Variants in HECW2 observed in about 807,000 individuals in gnomAD.
HECW2 encodes the protein E3 ubiquitin-protein ligase HECW2.
Under a neutral mutation model 175.2 loss-of-function variants are expected in HECW2, and 61 were observed. That is an observed-to-expected ratio of 0.35 (90% CI 0.28 to 0.43). The LOEUF is 0.43. HECW2 is among the 20% of genes least tolerant of loss of function. The pLI is 1.00. For synonymous variants in HECW2, 671 were observed against 731.0 expected, an observed-to-expected ratio of 0.92 and a Z score of 1.32; for missense variants, 1,524 against 2,000.5, an observed-to-expected ratio of 0.76 and a Z score of 4.54.
chr2:196,506,687 T>C (rs1417418947), intron 1 of HECW2, among the ~76,000 whole-genome samples: 1 of 151,866 alleles, frequency 6.6e-6, no homozygotes, highest in Non-Finnish European at 1.5e-5. Context: ...AATTTTTGGC[T>C]ACAAAGTAGC....
At chr2:196,245,491 A>C (rs7587683) in intron 19 of HECW2, among the ~76,000 whole-genome samples, 127,567 of 152,120 alleles carry the variant, frequency 0.84, 54,573 homozygotes, top group Non-Finnish European at 0.93. Context: ...GACAGCTAAC[A>C]AAATGCCCTA....
At position 196,538,914 on chromosome 2, in the gene HECW2, G is replaced by A. The variant is rs149419695; in HGVS notation, c.-36+54594C>T. Among the ~76,000 whole-genome samples, 89 of 152,172 alleles carry A rather than the reference G, an allele frequency of 5.8e-4. No individual in the cohort carries two copies. The East Asian group carries it at 9.1e-3, about 16-fold the overall frequency. ...ACCACAGCAGTTTCCTCGGAGCTCA[G>A]GTACTCTTTGAAAGTGGAAAAAATA... On this transcript the variant is annotated intron_variant, in intron 1 of 28. Transcript: ENST00000644978.
chr2:196,203,072 G>A (rs1343830404), intron 28 of HECW2, among the ~76,000 whole-genome samples: 1 of 151,956 alleles, frequency 6.6e-6, no homozygotes, highest in Non-Finnish European at 1.5e-5. Context: ...GCATCATGTT[G>A]GCACTCAAAA....
chr2:196,362,815 G>A (rs182912176), intron 2 of HECW2, among the ~76,000 whole-genome samples: 1 of 152,228 alleles, frequency 6.6e-6, no homozygotes, highest in African/African-American at 2.4e-5. Flanking sequence ...GAAGCTGTTA[G>A]CCCACCTGTG....
chr2:196,403,310 G>T (rs1694873148), intron 2 of HECW2, among the ~76,000 whole-genome samples: 1 of 152,290 alleles, frequency 6.6e-6, no homozygotes, highest in Non-Finnish European at 1.5e-5. Context: ...ACAGATACAT[G>T]TTCAGGAACA....
At chr2:196,305,918 A>C (rs911972593) in intron 13 of HECW2, among the ~76,000 whole-genome samples, 2 of 152,152 alleles carry the variant, frequency 1.3e-5, no homozygotes, top group Non-Finnish European at 2.9e-5. Flanking sequence ...TATCTTCAGT[A>C]AGCCACTCCC....
At chr2:196,207,043 C>T (rs886861480) in intron 28 of HECW2, among the ~76,000 whole-genome samples, 1 of 152,174 alleles carries the variant, frequency 6.6e-6, no homozygotes, top group African/African-American at 2.4e-5. Context: ...CATGACATTG[C>T]ATCATCAGGA....
At chr2:196,503,195 GCCC>G (rs1220746025) in intron 1 of HECW2, among the ~76,000 whole-genome samples, 2 of 152,042 alleles carry the variant, frequency 1.3e-5, no homozygotes, top group Non-Finnish European at 2.9e-5. Context: ...TTCTCTGTTT[GCCC>G]CCAGTAGGAA....
At chr2:196,581,967 G>A (rs565453530) in intron 1 of HECW2, among the ~76,000 whole-genome samples, 1 of 152,140 alleles carries the variant, frequency 6.6e-6, no homozygotes, top group East Asian at 1.9e-4. Context: ...TCAGGAGGCT[G>A]AGGCAAGAGA....
chr2:196,242,861 T>G (rs963592656), intron 19 of HECW2: 14 of 152,044 alleles, frequency 9.2e-5, no homozygotes, highest in African/African-American at 3.4e-4. Flanking sequence ...CCCAGCTAAT[T>G]TTTGTATTTT....
intron 19 of HECW2, among the ~76,000 whole-genome samples, chr2:196,247,504 C>T (rs1221603347): frequency 1.3e-5 from 2 of 151,996 alleles, no homozygotes; most frequent in Admixed American, 1.3e-4. Flanking sequence ...AAATCAGGTA[C>T]AAAAGATCAA....
intron 1 of HECW2, among the ~76,000 whole-genome samples, chr2:196,485,881 A>T (rs1335223300): frequency 6.6e-6 from 1 of 152,224 alleles, no homozygotes; most frequent in Non-Finnish European, 1.5e-5. Context: ...ATGGAGACCC[A>T]GGCATGGTAC....
intron 1 of HECW2, among the ~76,000 whole-genome samples, chr2:196,477,148 GA>G (rs112273962): frequency 0.012 from 1,268 of 104,294 alleles, 19 homozygotes; most frequent in African/African-American, 0.035. Flanking sequence ...AGGGAAAAGC[GA>G]AAAAAAAAAA....
At chr2:196,394,775 C>T (rs1694614031) in intron 2 of HECW2, among the ~76,000 whole-genome samples, 2 of 152,160 alleles carry the variant, frequency 1.3e-5, no homozygotes, top group Non-Finnish European at 2.9e-5. Context: ...ACAAATAGTG[C>T]TGGGAAAACT....
chr2:196,208,473 G>GATT (rs1038951388), intron 28 of HECW2, among the ~76,000 whole-genome samples: 3 of 152,220 alleles, frequency 2.0e-5, no homozygotes, highest in African/African-American at 7.2e-5. Flanking sequence ...GTTCTCACAG[G>GATT]ATTATACTCC....
intron 13 of HECW2, among the ~76,000 whole-genome samples, chr2:196,305,495 G>A (rs1008832911): frequency 1.5e-4 from 23 of 152,180 alleles, no homozygotes; most frequent in African/African-American, 5.1e-4. Flanking sequence ...CTGGTGATAG[G>A]ACTATGTTGA....
chr2:196,383,174 A>G (rs1260785061), intron 2 of HECW2, among the ~76,000 whole-genome samples: 1 of 152,244 alleles, frequency 6.6e-6, no homozygotes, highest in African/African-American at 2.4e-5. Context: ...AAATGCAAGC[A>G]TAAGTCTCAA....
At chr2:196,514,818 T>C (rs1688091990) in intron 1 of HECW2, among the ~76,000 whole-genome samples, 1 of 152,218 alleles carries the variant, frequency 6.6e-6, no homozygotes, top group Non-Finnish European at 1.5e-5. Context: ...GAAGCTCCTC[T>C]CTGCCTTGCT....
At chr2:196,470,616 A>G (rs1007350468) in intron 1 of HECW2, among the ~76,000 whole-genome samples, 2 of 152,224 alleles carry the variant, frequency 1.3e-5, no homozygotes, top group Admixed American at 6.5e-5. Flanking sequence ...AAGATTGAAG[A>G]AAATAATTTT....
Sources: allele counts gnomAD v4.1 joint callset (sites outside exome capture counted in the v4.1 genomes callset), GRCh38; gene constraint gnomAD v4.1.1; transcripts MANE v1.5; gene names NCBI Gene and HGNC (gene_info 2026-07-23, HGNC 2026-07-21).